HDAC9: variants seen among roughly 807,000 people sequenced by gnomAD.
HDAC9 encodes MEF-2 interacting transcription repressor (MITR) protein.
Under a neutral mutation model 139.4 loss-of-function variants are expected in HDAC9, and 41 were observed. The observed-to-expected ratio is 0.29, with a 90% CI of 0.23 to 0.38. HDAC9 has a LOEUF of 0.38. Ranked by LOEUF, HDAC9 falls within the 10% of genes least tolerant of loss-of-function variation. The probability of loss-of-function intolerance (pLI) is 1.00; values close to 1 mark genes in which losing one functional copy is unlikely to be tolerated. For synonymous variants in HDAC9, 517 were observed against 476.2 expected (o/e 1.09, Z -1.12); for missense variants, 1,147 against 1,297.0 (o/e 0.88, Z 1.78).
At chr7:18,540,180 G>A (rs1488734843) in intron 2 of HDAC9, among the ~76,000 whole-genome samples, 1 of 150,366 alleles carries the variant, frequency 6.7e-6, no homozygotes, top group Non-Finnish European at 1.5e-5. Context: ...GGCTGAGGCA[G>A]GAGAATCACT....
chr7:18,179,208 C>G (rs1789191967), intron 2 of HDAC9, among the ~76,000 whole-genome samples: 1 of 152,184 alleles, frequency 6.6e-6, no homozygotes, highest in Non-Finnish European at 1.5e-5. Context: ...TTTTGTTTGT[C>G]ACACACATAG....
intron 12 of HDAC9, among the ~76,000 whole-genome samples, chr7:18,699,390 TTG>T (rs151051108): frequency 1.3e-5 from 2 of 151,010 alleles, no homozygotes; most frequent in Non-Finnish European, 1.5e-5. Context: ...GTACGTGTGT[TTG>T]TGTGTGTGTG....
intron 21 of HDAC9, among the ~76,000 whole-genome samples, chr7:18,858,219 A>C (rs1797836540): frequency 6.6e-6 from 1 of 152,160 alleles, no homozygotes; most frequent in African/African-American, 2.4e-5. Context: ...ATGGATAATC[A>C]ATGTATTACT....
chr7:18,749,654 A>T (rs1315952083), intron 14 of HDAC9, among the ~76,000 whole-genome samples: 1 of 151,900 alleles, frequency 6.6e-6, no homozygotes, highest in African/African-American at 2.4e-5. Flanking sequence ...ATTTCTTTAA[A>T]CTCATTTCAG....
At chr7:18,350,846 T>C (rs939533112) in intron 1 of HDAC9, among the ~76,000 whole-genome samples, 1 of 152,210 alleles carries the variant, frequency 6.6e-6, no homozygotes, top group African/African-American at 2.4e-5. Context: ...ATAACGACAC[T>C]GGGCATTGAC....
intron 2 of HDAC9, among the ~76,000 whole-genome samples, chr7:18,248,970 A>G (rs917325): frequency 0.39 from 59,788 of 152,078 alleles, 13,468 homozygotes; most frequent in Admixed American, 0.51. Flanking sequence ...CAAATAAACA[A>G]CTATGCTACT....
chr7:18,477,866 T>C (rs1412213775), intron 1 of HDAC9, among the ~76,000 whole-genome samples: 1 of 152,126 alleles, frequency 6.6e-6, no homozygotes, highest in East Asian at 1.9e-4. Context: ...GTGTATTTAT[T>C]AATATATTTT....
At chr7:18,322,886 G>A (rs946743936) in intron 1 of HDAC9, among the ~76,000 whole-genome samples, 3 of 152,160 alleles carry the variant, frequency 2.0e-5, no homozygotes, top group African/African-American at 4.8e-5. Context: ...GGATTCATGA[G>A]GGGAAAGGAG....
chr7:18,971,400 A>G (rs1242861351), intron 24 of HDAC9, among the ~76,000 whole-genome samples: 1 of 152,136 alleles, frequency 6.6e-6, no homozygotes, highest in Non-Finnish European at 1.5e-5. Flanking sequence ...CTAATATTTG[A>G]CTTTATGAAT....
intron 24 of HDAC9, among the ~76,000 whole-genome samples, chr7:18,969,101 T>C (rs181599090): frequency 1.1e-4 from 16 of 151,922 alleles, no homozygotes; most frequent in Non-Finnish European, 1.9e-4. Context: ...GAGTGCTGCA[T>C]GTACAGGAGT....
At chr7:18,760,414 C>T (rs1789281070) in intron 14 of HDAC9, among the ~76,000 whole-genome samples, 1 of 152,104 alleles carries the variant, frequency 6.6e-6, no homozygotes, top group Non-Finnish European at 1.5e-5. Flanking sequence ...TTGAATGTTT[C>T]CCAGCAAGCT....
At chr7:18,287,205 TA>T (rs894921242), upstream of HDAC9, among the ~76,000 whole-genome samples, 6 of 152,134 alleles carry the variant, frequency 3.9e-5, no homozygotes, top group African/African-American at 1.4e-4. Flanking sequence ...TTCTATTGCT[TA>T]TTTTTTTTTA....
At chr7:18,837,046 A>G (rs543061159) in intron 21 of HDAC9, among the ~76,000 whole-genome samples, 2 of 152,076 alleles carry the variant, frequency 1.3e-5, no homozygotes, top group East Asian at 3.9e-4. Context: ...TGTCATGCAT[A>G]CTTCGTTGTC....
intron 22 of HDAC9, chr7:18,899,263 A>T (rs1801483511): frequency 6.6e-6 from 1 of 151,992 alleles, no homozygotes. Flanking sequence ...ATTTGAAGTG[A>T]GCTCCTATGT....
At chr7:18,678,803 T>A (rs1190973407) in intron 12 of HDAC9, among the ~76,000 whole-genome samples, 1 of 151,968 alleles carries the variant, frequency 6.6e-6, no homozygotes, top group African/African-American at 2.4e-5. Flanking sequence ...GTTTAATGTC[T>A]AGTAAATTTC....
intron 21 of HDAC9, among the ~76,000 whole-genome samples, chr7:18,846,554 G>A (rs17140133): frequency 0.096 from 14,560 of 152,170 alleles, 1,484 homozygotes; most frequent in African/African-American, 0.26. Context: ...CAGTATACAC[G>A]TTTGGCTGGT....
intron 1 of HDAC9, among the ~76,000 whole-genome samples, chr7:18,328,302 A>G (rs1237917421): frequency 6.6e-6 from 1 of 151,810 alleles, no homozygotes; most frequent in Non-Finnish European, 1.5e-5. Context: ...CTGGACTCAC[A>G]GTTTCTAGGG....
At chr7:18,293,564 A>G (rs562967091) in intron 1 of HDAC9, among the ~76,000 whole-genome samples, 10 of 152,194 alleles carry the variant, frequency 6.6e-5, no homozygotes, top group South Asian at 2.1e-4. Flanking sequence ...ACTGCAAACC[A>G]TCTTCCAGAA....
At chr7:18,779,081 T>G (rs1166019776) in intron 16 of HDAC9, among the ~76,000 whole-genome samples, 1 of 152,096 alleles carries the variant, frequency 6.6e-6, no homozygotes, top group Non-Finnish European at 1.5e-5. Context: ...GTAGCTGCTC[T>G]GTTTCTTTTT....
Sources: gnomAD v4.1 joint callset for allele counts (sites outside exome capture counted in the v4.1 genomes callset) on GRCh38, gnomAD v4.1.1 for gene constraint, MANE v1.5 for transcripts, NCBI Gene and HGNC (gene_info 2026-07-23, HGNC 2026-07-21) for gene names.